Variants in PTCHD4 observed in about 807,000 individuals in gnomAD.
PTCHD4 encodes the protein patched domain containing 4.
Under a neutral mutation model 58.1 loss-of-function variants are expected in PTCHD4, and 33 were observed. That is an observed-to-expected ratio of 0.57 (90% CI 0.43 to 0.76). PTCHD4 has a LOEUF of 0.76. PTCHD4 is among the 30% of genes least tolerant of loss of function. PTCHD4 has a pLI of 0.00. For synonymous variants in PTCHD4, 478 were observed against 409.6 expected (o/e 1.17, Z -2.02); for missense variants, 1,058 against 1,027.1 (o/e 1.03, Z -0.41).
intron 4 of PTCHD4, among the ~76,000 whole-genome samples, chr6:47,965,379 T>A (rs7755744): frequency 0.041 from 6,311 of 152,288 alleles, 241 homozygotes; most frequent in African/African-American, 0.099. Context: ...TTTAAAAGCA[T>A]CTGTGTATTT....
At chr6:47,990,755 A>G (rs1287761591) in intron 4 of PTCHD4, among the ~76,000 whole-genome samples, 3 of 152,226 alleles carry the variant, frequency 2.0e-5, no homozygotes, top group Non-Finnish European at 1.5e-5. Flanking sequence ...ATAAAAATAA[A>G]TAATAATCTT....
intron 3 of PTCHD4, among the ~76,000 whole-genome samples, chr6:48,057,669 G>A (rs912941970): frequency 2.0e-5 from 3 of 152,234 alleles, no homozygotes; most frequent in African/African-American, 7.2e-5. Flanking sequence ...CAAAGGAAGA[G>A]TATGAATGAT....
intron 4 of PTCHD4, chr6:47,890,913 G>C (rs191382875): frequency 4.1e-6 from 4 of 983,750 alleles, no homozygotes; most frequent in Middle Eastern, 5.2e-4. Flanking sequence ...TCAAGTTTTC[G>C]AAAATGAATA....
At chr6:48,099,244 G>A (rs1352049304) in intron 1 of PTCHD4, among the ~76,000 whole-genome samples, 1 of 152,160 alleles carries the variant, frequency 6.6e-6, no homozygotes, top group African/African-American at 2.4e-5. Flanking sequence ...CCCTTAAAGG[G>A]ATACCTGCTT....
chr6:48,091,008 T>C (rs1765356322), intron 1 of PTCHD4, among the ~76,000 whole-genome samples: 1 of 152,158 alleles, frequency 6.6e-6, no homozygotes, highest in Non-Finnish European at 1.5e-5. Context: ...AAAATTTTAT[T>C]TGAAAATTTC....
intron 1 of PTCHD4, among the ~76,000 whole-genome samples, chr6:48,081,699 A>G (rs1412265911): frequency 1.3e-5 from 2 of 152,216 alleles, no homozygotes; most frequent in African/African-American, 4.8e-5. Flanking sequence ...CCTATATTTA[A>G]TAGCTATAAG....
At chr6:48,016,664 T>C (rs1044000381) in intron 3 of PTCHD4, among the ~76,000 whole-genome samples, 2 of 152,024 alleles carry the variant, frequency 1.3e-5, no homozygotes, top group Non-Finnish European at 2.9e-5. Flanking sequence ...AAAGCTCTTA[T>C]TTAGTTTCAG....
intron 4 of PTCHD4, among the ~76,000 whole-genome samples, chr6:47,994,625 A>G (rs1768409298): frequency 2.6e-5 from 4 of 152,364 alleles, no homozygotes; most frequent in South Asian, 2.1e-4. Flanking sequence ...ATTTCTGGAA[A>G]AAGCAACATC....
At chr6:48,047,150 A>T (rs1481317325) in intron 3 of PTCHD4, among the ~76,000 whole-genome samples, 1 of 151,844 alleles carries the variant, frequency 6.6e-6, no homozygotes, top group Non-Finnish European at 1.5e-5. Context: ...GTTATTTGGT[A>T]GAACTCTCTC....
At chr6:47,893,167 C>T (rs1056914321) in intron 4 of PTCHD4, among the ~76,000 whole-genome samples, 13 of 152,200 alleles carry the variant, frequency 8.5e-5, no homozygotes, top group South Asian at 2.1e-4. Flanking sequence ...TGTGCCACCA[C>T]GCCCAGCTAA....
At chr6:47,984,151 A>T (rs1057449631) in intron 4 of PTCHD4, among the ~76,000 whole-genome samples, 33 of 152,134 alleles carry the variant, frequency 2.2e-4, no homozygotes, top group African/African-American at 8.0e-4. Flanking sequence ...AAACAATTCA[A>T]GGATTCTCTA....
intron 4 of PTCHD4, among the ~76,000 whole-genome samples, chr6:47,966,580 C>T (rs1224437845): frequency 1.3e-5 from 2 of 152,132 alleles, no homozygotes; most frequent in Non-Finnish European, 2.9e-5. Context: ...ATAGCATTTT[C>T]CCCACAGTAG....
chr6:47,952,943 C>A (rs1176423481), intron 4 of PTCHD4, among the ~76,000 whole-genome samples: 1 of 151,944 alleles, frequency 6.6e-6, no homozygotes, highest in Non-Finnish European at 1.5e-5. Flanking sequence ...CATATATATG[C>A]AGTATATTTC....
intron 4 of PTCHD4, among the ~76,000 whole-genome samples, chr6:47,947,012 T>C (rs1234699200): frequency 6.6e-6 from 1 of 152,070 alleles, no homozygotes; most frequent in Non-Finnish European, 1.5e-5. Flanking sequence ...AATTTTTTTA[T>C]TTTGTAGAGA....
chr6:47,914,768 C>CTATCTA (rs1765190310), intron 4 of PTCHD4, among the ~76,000 whole-genome samples: 1 of 147,420 alleles, frequency 6.8e-6, no homozygotes, highest in Non-Finnish European at 1.5e-5. Flanking sequence ...ATCTATCTAT[C>CTATCTA]TATCTATCTA....
At chr6:48,101,880 T>C (rs897023077) in intron 1 of PTCHD4, among the ~76,000 whole-genome samples, 3 of 152,112 alleles carry the variant, frequency 2.0e-5, no homozygotes, top group African/African-American at 4.8e-5. Context: ...GCTGGTGCGG[T>C]TGGATGAAGG....
At chr6:48,053,174 G>GTA (rs1311726783) in intron 3 of PTCHD4, among the ~76,000 whole-genome samples, 1 of 152,090 alleles carries the variant, frequency 6.6e-6, no homozygotes, top group Admixed American at 6.6e-5. Context: ...TAGAAGAAGA[G>GTA]TATAACATTT....
At chr6:47,898,869 C>A (rs114225564) in intron 4 of PTCHD4, among the ~76,000 whole-genome samples, 1 of 152,136 alleles carries the variant, frequency 6.6e-6, no homozygotes, top group Admixed American at 6.5e-5. Flanking sequence ...AGTGTCCTTT[C>A]TTTTTAGGTC....
chr6:47,916,259 A>G (rs1463081845), intron 4 of PTCHD4, among the ~76,000 whole-genome samples: 1 of 152,128 alleles, frequency 6.6e-6, no homozygotes, highest in Non-Finnish European at 1.5e-5. Context: ...TCACTGAAGG[A>G]GCAGAAATGT....
Sources: gnomAD v4.1 joint callset for allele counts (sites outside exome capture counted in the v4.1 genomes callset) on GRCh38, gnomAD v4.1.1 for gene constraint, MANE v1.5 for transcripts, NCBI Gene and HGNC (gene_info 2026-07-23, HGNC 2026-07-21) for gene names.